C1orf94: variants seen among roughly 807,000 people sequenced by gnomAD.
C1orf94 encodes the protein uncharacterized protein C1orf94.
In C1orf94, 45 loss-of-function variants were observed where a neutral mutation model predicts 53.6. The ratio of observed to expected loss-of-function variants is 0.84; its 90% CI spans 0.66 to 1.08. The LOEUF (loss-of-function observed/expected upper bound fraction) is 1.08, where lower values mean the gene tolerates loss of function less well. Ranked by LOEUF, C1orf94 falls within the 50% of genes least tolerant of loss-of-function variation. The pLI, the probability that C1orf94 is intolerant of heterozygous loss-of-function variation, is 0.00. For missense variants in C1orf94, 762 were observed against 738.9 expected (o/e 1.03, Z -0.36); for synonymous variants, 304 against 296.1 (o/e 1.03, Z -0.27).
intron 6 of C1orf94, 79 bp downstream of exon 6, chr1:34,212,485 C>A: frequency 1.4e-6 from 2 of 1,390,528 alleles, no homozygotes; most frequent in Non-Finnish European, 1.9e-6. Flanking sequence ...GGCTTACCAG[C>A]GCTTTCTTAG....
intron 2 of C1orf94, among the ~76,000 whole-genome samples, chr1:34,198,541 T>C (rs1642642055): frequency 6.6e-6 from 1 of 152,250 alleles, no homozygotes; most frequent in Admixed American, 6.5e-5. Context: ...CTGTGTGTTG[T>C]TCTGATCTAA....
chr1:34,206,440 G>A lies in C1orf94; in HGVS notation c.1447-1717G>A, dbSNP rs1642793987. Among the ~76,000 whole-genome samples, 4 of 152,198 alleles carry A rather than the reference G, an allele frequency of 2.6e-5. No homozygotes were observed. In the South Asian group the frequency reaches 8.3e-4, roughly 31 times the overall value. Reference sequence around the variant, plus strand: ...CATAGCTCTGGTCACCCTCTAAGAGGGTACGATGAGTCTCAAAAATGGTGA... The same window carrying A: ...CATAGCTCTGGTCACCCTCTAAGAGAGTACGATGAGTCTCAAAAATGGTGA... On this transcript the variant is annotated intron_variant, in intron 4 of 6. Transcript: ENST00000488417.
At chr1:34,173,074 A>G (rs562451772), upstream of C1orf94, among the ~76,000 whole-genome samples, 1 of 152,368 alleles carries the variant, frequency 6.6e-6, no homozygotes, top group African/African-American at 2.4e-5. Flanking sequence ...TTAAATGCAG[A>G]GTATAACATT....
chr1:34,189,714 C>T (rs1642451920), intron 1 of C1orf94, among the ~76,000 whole-genome samples: 1 of 152,172 alleles, frequency 6.6e-6, no homozygotes, highest in Non-Finnish European at 1.5e-5. Context: ...CTTTGGTGAC[C>T]TCCCTTTCCA....
Position 34,218,951 on chromosome 1 carries a change from C to T in C1orf94, c.*190C>T. 2.5e-6 allele frequency: 1 copy of T among 403,100 alleles called. No homozygotes were observed. Among genetic ancestry groups the T allele is most frequent in the South Asian group, 6.5e-5 (1 of 15,458 alleles). The allele number at this position is 403,100 out of a possible 1,614,324, so 25.0% of individuals were successfully genotyped here. On this transcript the variant is annotated 3_prime_UTR_variant, in exon 7 of 7. Transcript: ENST00000488417. ...AAAATAGCCCTCCTCACACATGGCACAAGCTACACACACACACACACACAT... is the reference window on the plus strand; with the variant it reads ...AAAATAGCCCTCCTCACACATGGCATAAGCTACACACACACACACACACAT...
At chr1:34,216,601 G>T (rs909173680) in intron 6 of C1orf94, among the ~76,000 whole-genome samples, 8 of 152,112 alleles carry the variant, frequency 5.3e-5, no homozygotes, top group Admixed American at 5.2e-4. Context: ...AGAAAAGGTG[G>T]AATCAAGAGA....
upstream of C1orf94, among the ~76,000 whole-genome samples, chr1:34,171,970 G>C (rs1642151646): frequency 6.6e-6 from 1 of 152,162 alleles, no homozygotes; most frequent in South Asian, 2.1e-4. Context: ...CTTTGATGCT[G>C]TAGTTTGTAC....
At chr1:34,173,788 G>A (rs1642182324), upstream of C1orf94, among the ~76,000 whole-genome samples, 1 of 152,192 alleles carries the variant, frequency 6.6e-6, no homozygotes, top group Admixed American at 6.5e-5. Flanking sequence ...AGTTTTCCAA[G>A]CTAAAAATAA....
At chr1:34,172,451 C>A (rs1642158819), upstream of C1orf94, among the ~76,000 whole-genome samples, 1 of 152,204 alleles carries the variant, frequency 6.6e-6, no homozygotes. Context: ...CATATTTAAA[C>A]CTTCTTCCTA....
chr1:34,210,930 G>A (rs1365237262), intron 5 of C1orf94, among the ~76,000 whole-genome samples: 1 of 152,058 alleles, frequency 6.6e-6, no homozygotes, highest in Non-Finnish European at 1.5e-5. Flanking sequence ...TCGGTTACAG[G>A]CGTGAGCCAA....
At chr1:34,213,084 C>T (rs1417057196) in intron 6 of C1orf94, among the ~76,000 whole-genome samples, 1 of 152,166 alleles carries the variant, frequency 6.6e-6, no homozygotes, top group Non-Finnish European at 1.5e-5. Flanking sequence ...CATTCCCACC[C>T]ACCAAATCTT....
chr1:34,203,972 G>C (rs979310349), intron 4 of C1orf94, among the ~76,000 whole-genome samples: 1 of 152,112 alleles, frequency 6.6e-6, no homozygotes, highest in Admixed American at 6.5e-5. Flanking sequence ...CCTCGCACTG[G>C]CTTCTCTCCA....
intron 1 of C1orf94, among the ~76,000 whole-genome samples, chr1:34,188,363 A>C (rs1642420218): frequency 6.6e-6 from 1 of 152,214 alleles, no homozygotes; most frequent in South Asian, 2.1e-4. Flanking sequence ...AATTAAAAAA[A>C]TTTGAATCTA....
At chr1:34,179,935 T>A (rs1375812661) in intron 1 of C1orf94, among the ~76,000 whole-genome samples, 1 of 152,176 alleles carries the variant, frequency 6.6e-6, no homozygotes, top group Non-Finnish European at 1.5e-5. Context: ...TTGAAAAACA[T>A]GTTTCTGCTA....
chr1:34,218,619 T>C lies in C1orf94; in HGVS notation c.1722-67T>C, dbSNP rs577641953. On this transcript the variant is annotated intron_variant, in intron 6 of 6. Transcript: ENST00000488417. ...CTGACAACCATAAAATTAATATATATATTTTTCTAATTCTCTCCGATAACA... is the reference window on the plus strand; with the variant it reads ...CTGACAACCATAAAATTAATATATACATTTTTCTAATTCTCTCCGATAACA... The C allele has an allele frequency of 4.9e-5, 63 of 1,274,698 alleles. 1 individual carries two copies. Among genetic ancestry groups the C allele is most frequent in the South Asian group, 2.0e-4 (14 of 69,876 alleles). The allele number at this position is 1,274,698 out of a possible 1,614,324, so 79.0% of individuals were successfully genotyped here. A position where few individuals can be genotyped will look rare whatever the true frequency, so the allele number is the denominator to read the frequency against.
At chr1:34,175,653 C>T (rs771471160), upstream of C1orf94, among the ~76,000 whole-genome samples, 3 of 152,104 alleles carry the variant, frequency 2.0e-5, no homozygotes, top group Admixed American at 1.3e-4. Flanking sequence ...CTACTGTATA[C>T]CAGGCACTTT....
intron 2 of C1orf94, among the ~76,000 whole-genome samples, chr1:34,198,290 A>G (rs1642638085): frequency 6.6e-6 from 1 of 152,244 alleles, no homozygotes; most frequent in Non-Finnish European, 1.5e-5. Flanking sequence ...GCCAAGATGT[A>G]TAGAAGAGAA....
intron 1 of C1orf94, among the ~76,000 whole-genome samples, chr1:34,190,219 G>T (rs147889102): frequency 5.9e-5 from 9 of 152,276 alleles, no homozygotes; most frequent in African/African-American, 1.9e-4. Flanking sequence ...TCAGGCCCCA[G>T]TCCCCTCCTG....
At position 34,197,314 on chromosome 1, in the gene C1orf94, T is replaced by C. The variant is rs767651317; in HGVS notation, c.410T>C (p.Val137Ala). ...CTCACCAAAGAGCACTCGATCCTGG[T>C]CGAAGAGAGTTCTGGGGAGCTGGAG... is the stretch of plus-strand genomic sequence containing the variant. ...LSLTKEHSIL[V>A]EESSGELEVP... The change falls in exon 2 of 7, where the codon GTC becomes GCC. Residue 137 changes from valine to alanine, a missense_variant. Coordinates refer to ENST00000488417, the MANE Select transcript of C1orf94 (RefSeq NM_001134734.2). The surrounding 1 kb of genome is among the most constrained non-coding windows in gnomAD (Gnocchi z 4.1). 7 of 1,564,040 alleles carry C rather than the reference T, an allele frequency of 4.5e-6. No homozygotes were observed. Among genetic ancestry groups the C allele is most frequent in the Non-Finnish European group, 4.3e-6 (5 of 1,153,672 alleles).
Sources: gnomAD v4.1 joint callset for allele counts (sites outside exome capture counted in the v4.1 genomes callset) on GRCh38, gnomAD v4.1.1 for gene constraint, Gnocchi (gnomAD v3.1) non-coding constraint, MANE v1.5 for transcripts, NCBI Gene and HGNC (gene_info 2026-07-23, HGNC 2026-07-21) for gene names.